Variants in NRL observed in about 807,000 individuals in gnomAD.
NRL encodes the protein neural retina leucine zipper.
A neutral mutation model predicts 12.5 loss-of-function variants in NRL; 16 were observed. The observed-to-expected ratio is 1.28, with a 90% CI of 0.87 to 1.95. The LOEUF is 1.95. NRL is among the 30% of genes most tolerant of loss of function. The pLI, the probability that NRL is intolerant of heterozygous loss-of-function variation, is 0.00. For synonymous variants in NRL, 142 were observed against 150.9 expected (o/e 0.94, Z 0.43); for missense variants, 314 against 325.8 (o/e 0.96, Z 0.28).
chr14:24,099,052 A>G, intron 1 of NRL: 1 of 1,598,680 alleles, frequency 6.3e-7, no homozygotes, highest in Non-Finnish European at 8.6e-7. Flanking sequence ...TCCCCAGGGG[A>G]GCCAGTGAGC....
chr14:24,082,713 A>G lies in NRL; in HGVS notation c.136T>C (p.Ser46Pro), dbSNP rs1428282633. 1 of 1,614,016 alleles carries G rather than the reference A, an allele frequency of 6.2e-7. No individual in the cohort carries two copies. Among genetic ancestry groups the G allele is most frequent in the Non-Finnish European group, 8.5e-7 (1 of 1,180,042 alleles). ...CTGAAGGTGGGTGAAGGAGGCACTGAGCTGTAAGGTGTGGAGCCCAGTGAG... is the reference window on the plus strand; with the variant it reads ...CTGAAGGTGGGTGAAGGAGGCACTGGGCTGTAAGGTGTGGAGCCCAGTGAG... Reference protein sequence around the residue: ...TASLGSTPYSSVPPSPTFSEP... With the variant: ...TASLGSTPYSPVPPSPTFSEP... Residue 46 changes from serine to proline, a missense_variant, in exon 2 of 3, where the codon TCA becomes CCA. Transcript: ENST00000561028.
chr14:24,102,374 A>G (rs796688537), intron 1 of NRL, among the ~76,000 whole-genome samples: 7 of 152,370 alleles, frequency 4.6e-5, no homozygotes, highest in African/African-American at 1.7e-4. Flanking sequence ...ATTCATTTAA[A>G]TAATAATCTC....
chr14:24,094,053 G>A lies in NRL; in HGVS notation c.-27-11178C>T. ...CCTCAAAGTTACATCATGTGCGGCT[G>A]GGAGGGCGGTGGCGGATGGGGGGCG... On this transcript the variant is annotated intron_variant, in intron 1 of 2. Coordinates refer to ENST00000561028, the MANE Select transcript of NRL (RefSeq NM_001354768.3). This position sits in a 1 kb window ranked among gnomAD's most constrained non-coding sequence, Gnocchi z 4.1. 1.9e-6 allele frequency: 1 copy of A among 538,806 alleles called. No individual in the cohort carries two copies. Among genetic ancestry groups the A allele is most frequent in the South Asian group, 2.4e-5 (1 of 42,288 alleles). 33.4% of individuals were successfully genotyped at this position (538,806 alleles called of 1,614,324 possible). A position where few individuals can be genotyped will look rare whatever the true frequency, so the allele number is the denominator to read the frequency against.
At chr14:24,102,675 A>C (rs1472326556) in intron 1 of NRL, 18 of 1,262,578 alleles carry the variant, frequency 1.4e-5, no homozygotes, top group Non-Finnish European at 1.9e-5. Context: ...GAACCCTGCA[A>C]GAATGTGTGC....
rs1048926275 is a variant in NRL, at chr14:24,085,257, A to G, written c.-27-2382T>C. Among the ~76,000 whole-genome samples, 4 of 152,188 alleles carry G rather than the reference A, an allele frequency of 2.6e-5. No homozygotes were observed. The highest frequency in any genetic ancestry group is 1.9e-4 in the East Asian group (1 of 5,200). On this transcript the variant is annotated intron_variant, in intron 1 of 2. Transcript: ENST00000561028. The surrounding 1 kb of genome is among the most constrained non-coding windows in gnomAD (Gnocchi z 4.1). ...AATCCAGCTTGGGAGAAAGAGTAGG[A>G]AAAAAGAGAACAGGGAACTCTGTTC...
At chr14:24,082,382 A>AC (rs1274984292) in intron 2 of NRL, 86 bp downstream of exon 2, 4 of 1,551,606 alleles carry the variant, frequency 2.6e-6, no homozygotes, top group Non-Finnish European at 3.5e-6. Context: ...CCAGTCCATA[A>AC]CCCCCTCTGG....
intron 2 of NRL, chr14:24,082,104 A>T (rs1159051221): frequency 1.6e-6 from 2 of 1,219,124 alleles, no homozygotes; most frequent in African/African-American, 1.6e-5. Flanking sequence ...GGCCAATCTA[A>T]ACCAGTCTTA....
At chr14:24,097,476 A>C (rs1419185766) in intron 1 of NRL, among the ~76,000 whole-genome samples, 1 of 151,820 alleles carries the variant, frequency 6.6e-6, no homozygotes, top group Non-Finnish European at 1.5e-5. Flanking sequence ...AGGCAGGAGA[A>C]TCACTTAAAC....
At position 24,094,899 on chromosome 14, in the gene NRL, T is replaced by A; in HGVS notation, c.-27-12024A>T. The A allele has an allele frequency of 8.2e-7, 1 of 1,223,016 alleles. No individual in the cohort carries two copies. The highest frequency in any genetic ancestry group is 1.5e-5 in the African/African-American group (1 of 64,578). 75.8% of individuals were successfully genotyped at this position (1,223,016 alleles called of 1,614,324 possible). A position where few individuals can be genotyped will look rare whatever the true frequency, so the allele number is the denominator to read the frequency against. On this transcript the variant is annotated intron_variant, in intron 1 of 2. Coordinates refer to ENST00000561028, the MANE Select transcript of NRL (RefSeq NM_001354768.3). The surrounding 1 kb of genome is among the most constrained non-coding windows in gnomAD (Gnocchi z 4.1). ...GAGCCCCCTAAAGAAGGTGGAAGGT[T>A]AAATATCCATTCCCGGCCTCTCCCG...
intron 1 of NRL, chr14:24,104,154 A>G (rs1388652563): frequency 5.1e-6 from 3 of 588,804 alleles, no homozygotes; most frequent in Non-Finnish European, 6.1e-6. Context: ...TTCATTTCCC[A>G]CCTATCTTCA....
Position 24,081,800 on chromosome 14 carries a change from C to T in NRL, c.382-232G>A. The stretch of plus-strand genomic sequence containing the variant: ...CCAGTCAGGCGGGCGCCCCACGGTG[C>T]AGGGCCGGCCACGGTCAGGCGAGCC... On this transcript the variant is annotated intron_variant, in intron 2 of 2. Coordinates refer to ENST00000561028, the MANE Select transcript of NRL (RefSeq NM_001354768.3). This position sits in a 1 kb window ranked among gnomAD's most constrained non-coding sequence, Gnocchi z 4.4. The T allele has an allele frequency of 6.7e-7, 1 of 1,485,292 alleles. No homozygotes were observed. Among genetic ancestry groups the T allele is most frequent in the Non-Finnish European group, 8.9e-7 (1 of 1,122,968 alleles). 92.0% of individuals were successfully genotyped at this position (1,485,292 alleles called of 1,614,324 possible).
rs2036774281 is a variant in NRL at position 24,094,627 on chromosome 14, C to T, written c.-27-11752G>A. On this transcript the variant is annotated intron_variant, in intron 1 of 2. Coordinates refer to ENST00000561028, the MANE Select transcript of NRL (RefSeq NM_001354768.3). The surrounding 1 kb of genome is among the most constrained non-coding windows in gnomAD (Gnocchi z 4.1). ...GGGAGGGCAGCCGGCCGGTGCTCCT[C>T]GTTTCCGCCTGCACCTCCCCTTCTC... 1.4e-6 allele frequency: 2 copies of T among 1,473,842 alleles called. No individual in the cohort carries two copies. Among genetic ancestry groups the T allele is most frequent in the African/African-American group, 2.8e-5 (2 of 71,570 alleles). The allele number at this position is 1,473,842 out of a possible 1,614,324, so 91.3% of individuals were successfully genotyped here. A position where few individuals can be genotyped will look rare whatever the true frequency, so the allele number is the denominator to read the frequency against.
chr14:24,100,814 TACAA>T lies in NRL; in HGVS notation c.-28+13904_-28+13907del, dbSNP rs151237802. ...CCAAAGCATTCACCCCAATCCTTCC[TACAA>T]ACAAAATCAGGTCAGTGCTTGAGTC... On this transcript the variant is annotated intron_variant, in intron 1 of 2. Coordinates refer to ENST00000561028, the MANE Select transcript of NRL (RefSeq NM_001354768.3). 3.5e-3 allele frequency among the ~76,000 whole-genome samples: 532 copies of T among 152,290 alleles called. 4 individuals are homozygous for T. Among genetic ancestry groups the T allele is most frequent in the African/African-American group, 0.012 (506 of 41,552 alleles).
intron 1 of NRL, among the ~76,000 whole-genome samples, chr14:24,083,238 G>C (rs148767190): frequency 3.9e-5 from 6 of 152,304 alleles, no homozygotes; most frequent in African/African-American, 1.2e-4. Context: ...CCATTTCCAA[G>C]CCATTTTTTT....
rs780533661 is a variant in NRL, at chr14:24,102,937, G to A, written c.-28+11785C>T. On this transcript the variant is annotated intron_variant, in intron 1 of 2. Coordinates refer to ENST00000561028, the MANE Select transcript of NRL (RefSeq NM_001354768.3). ...TGTTCTTGGCAAAAGGGCTATCTCTGTATTAGGGCCTACCTCCCTCCCTCT... is the reference window on the plus strand; with the variant it reads ...TGTTCTTGGCAAAAGGGCTATCTCTATATTAGGGCCTACCTCCCTCCCTCT... 7 of 1,571,616 alleles carry A rather than the reference G, an allele frequency of 4.5e-6. No homozygotes were observed. In the East Asian group the frequency reaches 1.1e-4, roughly 25 times the overall value.
chr14:24,105,633 A>G (rs2037325632), intron 1 of NRL, among the ~76,000 whole-genome samples: 1 of 152,234 alleles, frequency 6.6e-6, no homozygotes, highest in Admixed American at 6.5e-5. Flanking sequence ...GAAGTCACCT[A>G]TTCCACCGGG....
chr14:24,113,643 T>C (rs2037463405), intron 1 of NRL, among the ~76,000 whole-genome samples: 1 of 152,228 alleles, frequency 6.6e-6, no homozygotes, highest in Non-Finnish European at 1.5e-5. Context: ...CCGTTAACAC[T>C]AGAACATTAA....
intron 1 of NRL, chr14:24,103,323 C>T (rs1301123123): frequency 1.5e-6 from 2 of 1,342,110 alleles, no homozygotes; most frequent in Non-Finnish European, 2.1e-6. Flanking sequence ...CCTTCCTGAG[C>T]CAGACCTTCC....
intron 1 of NRL, chr14:24,096,827 TCCA>T: frequency 2.0e-6 from 3 of 1,474,102 alleles, no homozygotes; most frequent in Middle Eastern, 1.7e-4. Context: ...TTTCTGTCTC[TCCA>T]CCACCTGCCT....
Sources: allele counts gnomAD v4.1 joint callset (sites outside exome capture counted in the v4.1 genomes callset), GRCh38; gene constraint gnomAD v4.1.1; non-coding constraint Gnocchi (gnomAD v3.1); transcripts MANE v1.5; gene names NCBI Gene and HGNC (gene_info 2026-07-23, HGNC 2026-07-21).